PCDHGA7: variants seen among roughly 807,000 people sequenced by gnomAD.
The protein encoded by PCDHGA7 is protocadherin gamma-A7.
A neutral mutation model predicts 58.3 loss-of-function variants in PCDHGA7; 44 were observed. The observed-to-expected ratio is 0.75, with a 90% CI of 0.59 to 0.97. PCDHGA7 has a LOEUF of 0.97. PCDHGA7 is among the 50% of genes least tolerant of loss of function. PCDHGA7 has a pLI of 0.00. For synonymous variants in PCDHGA7, 516 were observed against 504.2 expected (o/e 1.02, Z -0.31); for missense variants, 1,266 against 1,188.7 (o/e 1.06, Z -0.96).
chr5:141,395,102 G>T (rs766050798), intron 1 of PCDHGA7: 3 of 1,614,172 alleles, frequency 1.9e-6, no homozygotes, highest in South Asian at 1.1e-5. Flanking sequence ...CCGCCGACTC[G>T]CGGAAGAGTC....
intron 1 of PCDHGA7, chr5:141,393,263 A>T: frequency 6.2e-7 from 1 of 1,613,926 alleles, no homozygotes; most frequent in African/African-American, 1.3e-5. Flanking sequence ...TTCCTGGAGC[A>T]CGTTATCCAC....
rs1590066119 is a variant in PCDHGA7, at chr5:141,417,816, C to G, written c.2424+32493C>G. On this transcript the variant is annotated intron_variant, in intron 1 of 3. Transcript: ENST00000518325. ...CTTTTAGCGCGGTAGAGTGCACTTT[C>G]TCCAACTGGAAAAGCGGGGACCCAG... is the stretch of plus-strand genomic sequence containing the variant. 3 of 1,511,044 alleles carry G rather than the reference C, an allele frequency of 2.0e-6. No homozygotes were observed. The East Asian group carries it at 7.4e-5, about 37-fold the overall frequency. 93.6% of individuals were successfully genotyped at this position (1,511,044 alleles called of 1,614,324 possible).
intron 1 of PCDHGA7, chr5:141,408,218 G>A: frequency 6.4e-7 from 1 of 1,557,454 alleles, no homozygotes; most frequent in South Asian, 1.2e-5. Context: ...AGGGAGCTGC[G>A]CGCAGAGGCG....
chr5:141,489,800 A>G lies in PCDHGA7; in HGVS notation c.2425-5007A>G. 6.2e-7 allele frequency: 1 copy of G among 1,614,166 alleles called. No homozygotes were observed. Among genetic ancestry groups the G allele is most frequent in the Non-Finnish European group, 8.5e-7 (1 of 1,179,994 alleles). On this transcript the variant is annotated intron_variant, in intron 1 of 3. Coordinates refer to ENST00000518325, the MANE Select transcript of PCDHGA7 (RefSeq NM_018920.4). This position sits in a 1 kb window ranked among gnomAD's most constrained non-coding sequence, Gnocchi z 4.5. ...TCTCTGAATGTGAAGACCCTAAAAG[A>G]TGGGAAGCCATTCCCAGAGCTGGTG...
At chr5:141,405,352 T>C (rs747137239) in intron 1 of PCDHGA7, 12 of 1,614,170 alleles carry the variant, frequency 7.4e-6, no homozygotes, top group Middle Eastern at 1.6e-4. Flanking sequence ...CCAAGTTTCC[T>C]ATAGAAGACA....
Position 141,416,159 on chromosome 5 carries a change from T to C in PCDHGA7, c.2424+30836T>C, listed in dbSNP as rs116406525. ...CTATACTTTGTGGTGATAGTTGCAG[T>C]TGAATATACTAAGTTTTTCATTAAT... On this transcript the variant is annotated intron_variant, in intron 1 of 3. Transcript: ENST00000518325. 1,471 of 153,024 alleles carry C rather than the reference T, an allele frequency of 9.6e-3. 10 individuals carry two copies. Among genetic ancestry groups the C allele is most frequent in the Non-Finnish European group, 0.015 (1,026 of 68,518 alleles). 9.5% of individuals were successfully genotyped at this position (153,024 alleles called of 1,614,324 possible).
chr5:141,492,458 G>A (rs1333043781), intron 1 of PCDHGA7, among the ~76,000 whole-genome samples: 1 of 152,230 alleles, frequency 6.6e-6, no homozygotes, highest in Non-Finnish European at 1.5e-5. Flanking sequence ...GTGCGCGCCT[G>A]AGGGTCCCAG....
rs1051300319 is a variant in PCDHGA7 at position 141,491,957 on chromosome 5, A to T, written c.2425-2850A>T. ...GACCGACCCCCACCCCTACACTCAA[A>T]AAAGGCCGGGGCCTCCTTCGAGCTT... is the stretch of plus-strand genomic sequence containing the variant. On this transcript the variant is annotated intron_variant, in intron 1 of 3. Coordinates refer to ENST00000518325, the MANE Select transcript of PCDHGA7 (RefSeq NM_018920.4). The surrounding 1 kb of genome is among the most constrained non-coding windows in gnomAD (Gnocchi z 6.9). 3.6e-5 allele frequency: 37 copies of T among 1,020,096 alleles called. No individual in the cohort carries two copies. The highest frequency in any genetic ancestry group is 5.0e-5 in the Non-Finnish European group (37 of 736,248). The allele number at this position is 1,020,096 out of a possible 1,614,324, so 63.2% of individuals were successfully genotyped here.
chr5:141,403,121 C>A, intron 1 of PCDHGA7: 1 of 1,614,046 alleles, frequency 6.2e-7, no homozygotes, highest in Middle Eastern at 1.6e-4. Context: ...TCTGGAGCCC[C>A]GGGAGCTGGC....
At chr5:141,413,820 C>T in intron 1 of PCDHGA7, 1 of 1,613,204 alleles carries the variant, frequency 6.2e-7, no homozygotes, top group Non-Finnish European at 8.5e-7. Flanking sequence ...ACCACCTGGT[C>T]CTCACCGCCT....
intron 1 of PCDHGA7, chr5:141,418,251 C>G: frequency 6.2e-7 from 1 of 1,614,058 alleles, no homozygotes; most frequent in Non-Finnish European, 8.5e-7. Context: ...GACCACGCCC[C>G]TCAATTCCGG....
Position 141,383,436 on chromosome 5 carries a change from C to T in PCDHGA7, c.537C>T (p.Ser179=). 1 of 1,613,968 alleles carries T rather than the reference C, an allele frequency of 6.2e-7. No individual in the cohort carries two copies. The highest frequency in any genetic ancestry group is 8.5e-7 in the Non-Finnish European group (1 of 1,179,900). The part of the protein sequence containing the change: ...SYQLSPNRHF[S]LAVQSGDDET... ...AGCTCAGCCCCAATCGCCACTTCTC[C>T]CTGGCTGTGCAAAGTGGAGACGATG... is the stretch of plus-strand genomic sequence containing the variant. Residue 179 remains serine, a synonymous_variant, in exon 1 of 4, where the codon TCC becomes TCT. Coordinates refer to ENST00000518325, the MANE Select transcript of PCDHGA7 (RefSeq NM_018920.4).
At position 141,477,850 on chromosome 5, in the gene PCDHGA7, G is replaced by A; in HGVS notation, c.2425-16957G>A. On this transcript the variant is annotated intron_variant, in intron 1 of 3. Transcript: ENST00000518325. The surrounding 1 kb of genome is among the most constrained non-coding windows in gnomAD (Gnocchi z 4.9). ...CTCGGCCAGGTGGGAGCTCGGTGGAGATGCTGCCTCGAGGTACCTCAGCTG... is the reference window on the plus strand; with the variant it reads ...CTCGGCCAGGTGGGAGCTCGGTGGAAATGCTGCCTCGAGGTACCTCAGCTG... 6.2e-7 allele frequency: 1 copy of A among 1,613,446 alleles called. No homozygotes were observed. Among genetic ancestry groups the A allele is most frequent in the Admixed American group, 1.7e-5 (1 of 59,958 alleles).
At chr5:141,387,099 T>C (rs997819435) in intron 1 of PCDHGA7, among the ~76,000 whole-genome samples, 3 of 152,210 alleles carry the variant, frequency 2.0e-5, no homozygotes, top group Admixed American at 1.3e-4. Context: ...GAAATGAGAA[T>C]CACATAATAT....
intron 1 of PCDHGA7, among the ~76,000 whole-genome samples, chr5:141,438,349 C>G (rs892834423): frequency 6.6e-6 from 1 of 151,762 alleles, no homozygotes; most frequent in Non-Finnish European, 1.5e-5. Flanking sequence ...AGGATCTACT[C>G]TGTGTATTGT....
intron 1 of PCDHGA7, chr5:141,414,187 T>A: frequency 6.2e-7 from 1 of 1,609,834 alleles, no homozygotes; most frequent in South Asian, 1.1e-5. Flanking sequence ...TGCAAAAGTG[T>A]TGATTACAGT....
Position 141,489,748 on chromosome 5 carries a change from T to G in PCDHGA7, c.2425-5059T>G. 6.2e-7 allele frequency: 1 copy of G among 1,614,156 alleles called. No homozygotes were observed. Among genetic ancestry groups the G allele is most frequent in the African/African-American group, 1.3e-5 (1 of 75,054 alleles). On this transcript the variant is annotated intron_variant, in intron 1 of 3. Transcript: ENST00000518325. This position sits in a 1 kb window ranked among gnomAD's most constrained non-coding sequence, Gnocchi z 4.5. ...TGTGGGCACCAATACTGTGAGCTTTTACACTCTAAGCCCCAACAGCCACTT... is the reference window on the plus strand; with the variant it reads ...TGTGGGCACCAATACTGTGAGCTTTGACACTCTAAGCCCCAACAGCCACTT...
chr5:141,507,619 G>T (rs1237918589), intron 3 of PCDHGA7, among the ~76,000 whole-genome samples: 22 of 152,256 alleles, frequency 1.4e-4, no homozygotes, highest in Admixed American at 1.4e-3. Context: ...ATATTTAGCT[G>T]TTGTGGCCTT....
chr5:141,395,123 TC>T, intron 1 of PCDHGA7: 1 of 1,614,148 alleles, frequency 6.2e-7, no homozygotes, highest in Non-Finnish European at 8.5e-7. Flanking sequence ...ACCTGATCTT[TC>T]CCCAGCCCAA....
Sources: allele counts gnomAD v4.1 joint callset (sites outside exome capture counted in the v4.1 genomes callset), GRCh38; gene constraint gnomAD v4.1.1; non-coding constraint Gnocchi (gnomAD v3.1); transcripts MANE v1.5; gene names NCBI Gene and HGNC (gene_info 2026-07-23, HGNC 2026-07-21).